Variants in ZNF519 observed in about 807,000 individuals in gnomAD.
The protein encoded by ZNF519 is zinc finger protein 519.
In ZNF519, 7 loss-of-function variants were observed where a neutral mutation model predicts 7.4. The observed-to-expected ratio is 0.94, with a 90% CI of 0.54 to 1.77. The LOEUF (loss-of-function observed/expected upper bound fraction) is 1.77, where lower values mean the gene tolerates loss of function less well. Among genes scored for constraint, ZNF519 ranks in the 40% most tolerant of loss-of-function variants. The pLI is 0.00. For missense variants in ZNF519, 586 were observed against 623.1 expected, an observed-to-expected ratio of 0.94 and a Z score of 0.63; for synonymous variants, 179 against 203.3, an observed-to-expected ratio of 0.88 and a Z score of 1.02.
At chr18:14,117,023 A>G (rs1172631355) in intron 2 of ZNF519, among the ~76,000 whole-genome samples, 3 of 152,120 alleles carry the variant, frequency 2.0e-5, no homozygotes, top group Non-Finnish European at 4.4e-5. Flanking sequence ...AAATAATAAT[A>G]ATATAGGGAG....
At position 14,113,691 on chromosome 18, in the gene ZNF519, AT is replaced by A. The variant is rs56144421; in HGVS notation, c.131-7283del. 6.2e-3 allele frequency among the ~76,000 whole-genome samples: 874 copies of A among 140,528 alleles called. 6 individuals are homozygous for A. The highest frequency in any genetic ancestry group is 0.015 in the Middle Eastern group (4 of 268). 92.2% of individuals were successfully genotyped at this position (140,528 alleles called of 152,430 possible). A position where few individuals can be genotyped will look rare whatever the true frequency, so the allele number is the denominator to read the frequency against. On this transcript the variant is annotated intron_variant, in intron 2 of 2. Coordinates refer to ENST00000590202, the MANE Select transcript of ZNF519 (RefSeq NM_145287.4). Reference sequence around the variant, plus strand: ...GGTTGCTAGGTAGTATAGTAGCTCTATTTTTTTTTTTTTTTGAGGAACTCTA... The same window carrying A: ...GGTTGCTAGGTAGTATAGTAGCTCTATTTTTTTTTTTTTTGAGGAACTCTA...
chr18:14,109,964 C>G (rs1310912473), intron 2 of ZNF519, among the ~76,000 whole-genome samples: 1 of 152,148 alleles, frequency 6.6e-6, no homozygotes, highest in Non-Finnish European at 1.5e-5. Context: ...GCTACCAAAA[C>G]AGCATGGTAT....
chr18:14,094,425 C>T (rs747958283), intron 2 of ZNF519, among the ~76,000 whole-genome samples: 6 of 152,092 alleles, frequency 3.9e-5, no homozygotes, highest in African/African-American at 7.3e-5. Context: ...GTGCTACATA[C>T]GGCCTTTATT....
chr18:14,086,272 C>A (rs1368663839), intron 2 of ZNF519, among the ~76,000 whole-genome samples: 1 of 152,194 alleles, frequency 6.6e-6, no homozygotes, highest in East Asian at 1.9e-4. Flanking sequence ...CAGGTGGAGA[C>A]CAGCAGCCCT....
At chr18:14,132,175 T>G (rs2046334010) in intron 1 of ZNF519, 100 bp downstream of exon 1, 3 of 1,414,422 alleles carry the variant, frequency 2.1e-6, no homozygotes, top group South Asian at 2.3e-5. Context: ...AGGGCTGAGC[T>G]GCAGACTCGA....
At chr18:14,092,952 A>G (rs1161361749) in intron 2 of ZNF519, among the ~76,000 whole-genome samples, 2 of 152,222 alleles carry the variant, frequency 1.3e-5, no homozygotes, top group Non-Finnish European at 2.9e-5. Context: ...AAAACTCAAG[A>G]CTGCCAAACA....
intron 1 of ZNF519, among the ~76,000 whole-genome samples, chr18:14,125,620 A>C (rs1245533151): frequency 6.6e-6 from 1 of 152,194 alleles, no homozygotes; most frequent in African/African-American, 2.4e-5. Context: ...ACTTGTGAAG[A>C]AATCATTGAA....
At chr18:14,095,968 C>T (rs557485649), downstream of ZNF519, among the ~76,000 whole-genome samples, 2 of 152,326 alleles carry the variant, frequency 1.3e-5, no homozygotes, top group South Asian at 4.1e-4. Context: ...TCACTCGTGG[C>T]CTAAGGCCAC....
downstream of ZNF519, chr18:14,071,303 T>C (rs979615616): frequency 6.6e-6 from 1 of 152,142 alleles, no homozygotes; most frequent in African/African-American, 2.4e-5. Context: ...AAAACAGGCA[T>C]AATTCATCAC....
At chr18:14,088,164 A>G (rs2046099373) in intron 2 of ZNF519, among the ~76,000 whole-genome samples, 1 of 152,240 alleles carries the variant, frequency 6.6e-6, no homozygotes, top group Non-Finnish European at 1.5e-5. Flanking sequence ...TAGCAAATGG[A>G]AAGTACAGCT....
chr18:14,125,042 C>T (rs529672167), intron 1 of ZNF519, among the ~76,000 whole-genome samples: 10 of 152,228 alleles, frequency 6.6e-5, no homozygotes, highest in South Asian at 2.1e-4. Context: ...TAAAAAGGGT[C>T]CATGAATTAG....
chr18:14,076,835 G>A (rs1310548401), exon 5 of ZNF519: 1 of 152,092 alleles, frequency 6.6e-6, no homozygotes, highest in African/African-American at 2.4e-5. Flanking sequence ...ACTTCATGAA[G>A]GAAAGCAGTC....
intron 2 of ZNF519, among the ~76,000 whole-genome samples, chr18:14,085,498 C>A (rs995328091): frequency 2.0e-5 from 3 of 151,994 alleles, no homozygotes; most frequent in African/African-American, 7.3e-5. Context: ...TCATCTCCCC[C>A]ACAAAAACAT....
At chr18:14,116,102 T>C (rs1412797390) in intron 2 of ZNF519, among the ~76,000 whole-genome samples, 1 of 152,184 alleles carries the variant, frequency 6.6e-6, no homozygotes, top group Non-Finnish European at 1.5e-5. Flanking sequence ...TAATGTATCC[T>C]TTCTTACCAC....
In ZNF519 at chr18:14,105,111, G is replaced by C. The variant is rs147229950; in HGVS notation, c.1429C>G (p.Gln477Glu). 359 of 1,613,136 alleles carry C rather than the reference G, an allele frequency of 2.2e-4. No homozygotes were observed. The highest frequency in any genetic ancestry group is 2.8e-4 in the Non-Finnish European group (328 of 1,179,688). Residue 477 changes from glutamine to glutamate, a missense_variant, in exon 3 of 3, where the codon CAA (glutamine) becomes GAA (glutamate). Gln to Glu is a conservative substitution (Grantham distance 29, BLOSUM62 2). Coordinates refer to ENST00000590202, the MANE Select transcript of ZNF519 (RefSeq NM_145287.4). ...TCTCCAGTATGGACTCTCTGATGTT[G>C]AGTAAGGTGTGAGCCCCAGATAAAA... ...KAFIWGSHLT[Q>E]HQRVHTGEKF...
intron 2 of ZNF519, chr18:14,085,208 A>G (rs2046085607): frequency 6.6e-6 from 1 of 152,194 alleles, no homozygotes; most frequent in African/African-American, 2.4e-5. Context: ...CACTCTGAAT[A>G]CATGATAAAC....
downstream of ZNF519, chr18:14,075,183 C>T (rs1242626239): frequency 2.0e-5 from 3 of 152,130 alleles, no homozygotes; most frequent in Non-Finnish European, 4.4e-5. Context: ...AAGTTCCTCC[C>T]ACAACACATA....
intron 2 of ZNF519, among the ~76,000 whole-genome samples, chr18:14,117,573 C>T (rs1014436945): frequency 5.3e-5 from 8 of 152,014 alleles, no homozygotes; most frequent in African/African-American, 1.7e-4. Context: ...TCACTGTATT[C>T]GTTTATTATT....
intron 2 of ZNF519, among the ~76,000 whole-genome samples, chr18:14,116,101 C>T (rs964678936): frequency 6.6e-6 from 1 of 152,096 alleles, no homozygotes; most frequent in Non-Finnish European, 1.5e-5. Flanking sequence ...ATAATGTATC[C>T]TTTCTTACCA....
Sources: gnomAD v4.1 joint callset for allele counts (sites outside exome capture counted in the v4.1 genomes callset) on GRCh38, gnomAD v4.1.1 for gene constraint, MANE v1.5 for transcripts, NCBI Gene and HGNC (gene_info 2026-07-23, HGNC 2026-07-21) for gene names.